HCN1: variants seen among roughly 807,000 people sequenced by gnomAD.
HCN1 encodes the protein potassium/sodium hyperpolarization-activated cyclic nucleotide-gated channel 1.
HCN1 carries 13 observed loss-of-function variants against 78.9 expected under a neutral mutation model. The ratio of observed to expected loss-of-function variants is 0.16; its 90% CI spans 0.11 to 0.26. The LOEUF is 0.26. Ranked by LOEUF, HCN1 falls within the 10% of genes least tolerant of loss-of-function variation. The pLI, the probability that HCN1 is intolerant of heterozygous loss-of-function variation, is 1.00. For missense variants in HCN1, 810 were observed against 1,154.3 expected, an observed-to-expected ratio of 0.70 and a Z score of 4.32; for synonymous variants, 552 against 455.5, an observed-to-expected ratio of 1.21 and a Z score of -2.70.
intron 4 of HCN1, among the ~76,000 whole-genome samples, chr5:45,375,240 T>A (rs1422875094): frequency 4.3e-5 from 5 of 117,508 alleles, no homozygotes; most frequent in Non-Finnish European, 6.5e-5. Flanking sequence ...TAATATATAA[T>A]ATATTATACA....
intron 2 of HCN1, among the ~76,000 whole-genome samples, chr5:45,549,392 G>A (rs1429312573): frequency 6.6e-6 from 1 of 152,124 alleles, no homozygotes; most frequent in Non-Finnish European, 1.5e-5. Flanking sequence ...AACAAGAAAT[G>A]GGGAAAAGAT....
intron 2 of HCN1, among the ~76,000 whole-genome samples, chr5:45,494,748 C>A (rs910883972): frequency 2.0e-5 from 3 of 152,152 alleles, no homozygotes; most frequent in Middle Eastern, 3.2e-3. Flanking sequence ...ACGTTTAAGT[C>A]TTTACTCCAT....
At chr5:45,314,983 C>T (rs1745947908) in intron 5 of HCN1, among the ~76,000 whole-genome samples, 1 of 152,142 alleles carries the variant, frequency 6.6e-6, no homozygotes, top group Non-Finnish European at 1.5e-5. Flanking sequence ...TAACATCCCA[C>T]TGTCAACATT....
chr5:45,318,975 T>C (rs1746064255), intron 5 of HCN1, among the ~76,000 whole-genome samples: 1 of 151,964 alleles, frequency 6.6e-6, no homozygotes, highest in Non-Finnish European at 1.5e-5. Flanking sequence ...CTTGGTTCTT[T>C]TACTCACCAT....
At chr5:45,618,635 G>A (rs1413563699) in intron 2 of HCN1, among the ~76,000 whole-genome samples, 1 of 151,988 alleles carries the variant, frequency 6.6e-6, no homozygotes, top group Non-Finnish European at 1.5e-5. Context: ...AGAGCAAGAT[G>A]GTCTGTAGTA....
At chr5:45,445,778 G>T (rs181422497) in intron 3 of HCN1, among the ~76,000 whole-genome samples, 1 of 152,094 alleles carries the variant, frequency 6.6e-6, no homozygotes, top group African/African-American at 2.4e-5. Context: ...AGGCAAACAG[G>T]GTCTGGAGTG....
intron 5 of HCN1, among the ~76,000 whole-genome samples, chr5:45,314,664 G>C (rs531482455): frequency 1.3e-5 from 2 of 152,062 alleles, no homozygotes; most frequent in Non-Finnish European, 1.5e-5. Context: ...CTGTATTCAG[G>C]AGACCCATCT....
chr5:45,477,524 G>A (rs1741545052), intron 2 of HCN1, among the ~76,000 whole-genome samples: 1 of 152,108 alleles, frequency 6.6e-6, no homozygotes. Flanking sequence ...AGCAGGTCCG[G>A]AAACCTGGTA....
intron 5 of HCN1, among the ~76,000 whole-genome samples, chr5:45,318,752 G>T (rs991752558): frequency 9.9e-5 from 15 of 151,620 alleles, no homozygotes; most frequent in Admixed American, 2.6e-4. Context: ...CAAATCCTAA[G>T]TGTACACAAA....
At chr5:45,324,031 G>T (rs1011079262) in intron 5 of HCN1, among the ~76,000 whole-genome samples, 1 of 151,974 alleles carries the variant, frequency 6.6e-6, no homozygotes, top group Non-Finnish European at 1.5e-5. Context: ...ACGTGTGCAT[G>T]TGTCTTTATA....
At chr5:45,536,236 T>G (rs1742967326) in intron 2 of HCN1, among the ~76,000 whole-genome samples, 1 of 152,206 alleles carries the variant, frequency 6.6e-6, no homozygotes, top group Non-Finnish European at 1.5e-5. Context: ...TAAATTGATG[T>G]CTTCTGGGAA....
intron 1 of HCN1, among the ~76,000 whole-genome samples, chr5:45,688,728 C>T (rs567260084): frequency 1.1e-4 from 17 of 152,088 alleles, no homozygotes; most frequent in African/African-American, 4.1e-4. Context: ...GCAGAAACAA[C>T]TCAGATGTCC....
At chr5:45,303,549 C>G in intron 6 of HCN1, 50 bp downstream of exon 6, 1 of 1,598,758 alleles carries the variant, frequency 6.3e-7, no homozygotes. Flanking sequence ...CTTAAAGATA[C>G]AAATCTCAAG....
At chr5:45,272,308 A>T (rs1744975715) in intron 6 of HCN1, among the ~76,000 whole-genome samples, 1 of 152,078 alleles carries the variant, frequency 6.6e-6, no homozygotes, top group African/African-American at 2.4e-5. Flanking sequence ...ATAGAAAAAA[A>T]TTAGTCATCT....
intron 6 of HCN1, among the ~76,000 whole-genome samples, chr5:45,269,349 TA>T (rs1417664876): frequency 1.3e-5 from 2 of 152,334 alleles, no homozygotes; most frequent in African/African-American, 4.8e-5. Flanking sequence ...GTTTTGTTTT[TA>T]TTTTTTATCT....
At chr5:45,569,100 C>T (rs923584470) in intron 2 of HCN1, among the ~76,000 whole-genome samples, 7 of 152,118 alleles carry the variant, frequency 4.6e-5, no homozygotes, top group Non-Finnish European at 8.8e-5. Flanking sequence ...AGGAAATAAT[C>T]TGAACAGACA....
chr5:45,373,189 T>A (rs1186423021), intron 4 of HCN1, among the ~76,000 whole-genome samples: 1 of 123,380 alleles, frequency 8.1e-6, no homozygotes, highest in East Asian at 2.2e-4. Flanking sequence ...ATGAAATATA[T>A]GTATTTTATA....
chr5:45,539,469 T>C (rs1743044604), intron 2 of HCN1, among the ~76,000 whole-genome samples: 2 of 151,082 alleles, frequency 1.3e-5, no homozygotes, highest in African/African-American at 4.8e-5. Context: ...GAGACCATCT[T>C]GGCTAACACG....
rs768551046 is a variant in HCN1 at position 45,261,954 on chromosome 5, G to A, written c.2640C>T (p.Asp880=). Residue 880 remains aspartate, a synonymous_variant, in exon 8 of 8, where the codon GAC becomes GAT. Transcript: ENST00000303230. ...ESSSVLNTDP[D]AEKPRFASNL ...TTGAAGCAAATCGTGGCTTTTCTGC[G>A]TCTGGGTCTGTGTTTAAGACTGAGG... 6 of 1,614,080 alleles carry A rather than the reference G, an allele frequency of 3.7e-6. No individual in the cohort carries two copies. Among genetic ancestry groups the A allele is most frequent in the East Asian group, 4.5e-5 (2 of 44,852 alleles).
Sources: gnomAD v4.1 joint callset for allele counts (sites outside exome capture counted in the v4.1 genomes callset) on GRCh38, gnomAD v4.1.1 for gene constraint, MANE v1.5 for transcripts, NCBI Gene and HGNC (gene_info 2026-07-23, HGNC 2026-07-21) for gene names.